KNL1: variants seen among roughly 807,000 people sequenced by gnomAD.
The protein encoded by KNL1 is kinetochore scaffold 1.
KNL1 carries 66 observed loss-of-function variants against 201.3 expected under a neutral mutation model. The observed-to-expected ratio is 0.33, with a 90% CI of 0.27 to 0.40. The LOEUF is 0.40. KNL1 is among the 10% of genes least tolerant of loss of function. KNL1 has a pLI of 1.00. For synonymous variants in KNL1, 895 were observed against 899.2 expected (o/e 1.00, Z 0.08); for missense variants, 2,815 against 2,690.5 (o/e 1.05, Z -1.02).
rs1391411718 is a variant in KNL1 at position 40,621,113 on chromosome 15, C to T, written c.849C>T (p.Phe283=). The T allele has an allele frequency of 1.2e-6, 2 of 1,613,472 alleles. No homozygotes were observed. Among genetic ancestry groups the T allele is most frequent in the Non-Finnish European group, 1.7e-6 (2 of 1,179,774 alleles). ...LFREKDDGMN[F]TQCHTANIQT... ...GAGAAAAAGATGATGGGATGAATTT[C>T]ACCCAGTGTCATACAGCCAATATTC... The change falls in exon 10 of 26, where the codon TTC becomes TTT. Residue 283 remains phenylalanine, a synonymous_variant. Transcript: ENST00000399668.
In KNL1 at chr15:40,624,194, C is replaced by T; in HGVS notation, c.3930C>T (p.Ser1310=). 6.2e-7 allele frequency: 1 copy of T among 1,613,832 alleles called. No homozygotes were observed. Among genetic ancestry groups the T allele is most frequent in the Non-Finnish European group, 8.5e-7 (1 of 1,179,906 alleles). Reference sequence around the variant, plus strand: ...ATTCCTGTTTACCAAATGTTATTTCCTGTACTGATAATTTGGAGGGTAGTG... The same window carrying T: ...ATTCCTGTTTACCAAATGTTATTTCTTGTACTGATAATTTGGAGGGTAGTG... ...DNYSCLPNVI[S]CTDNLEGSAM... is the part of the protein sequence containing the mutation. Residue 1310 remains serine (S), a synonymous_variant, in exon 10 of 26, where the codon TCC becomes TCT. Transcript: ENST00000399668.
At chr15:40,640,098 CTTTTTTT>C (rs544723388) in intron 13 of KNL1, among the ~76,000 whole-genome samples, 2 of 124,506 alleles carry the variant, frequency 1.6e-5, no homozygotes, top group African/African-American at 6.0e-5. Context: ...TTTTTCTTTT[CTTTTTTT>C]TTTTTTTTTG....
chr15:40,628,968 G>A lies in KNL1; in HGVS notation c.5583+290G>A, dbSNP rs369707319. On this transcript the variant is annotated intron_variant, in intron 12 of 25. Transcript: ENST00000399668. The stretch of plus-strand genomic sequence containing the variant: ...GAATCACTTGAGCCCAGGAGTTCAA[G>A]GCTGCAGTGAGCCATGATCACACAA... Among the ~76,000 whole-genome samples the A allele has an allele frequency of 8.5e-5, 13 of 152,238 alleles. No homozygotes were observed. In the East Asian group the frequency reaches 1.5e-3, roughly 18 times the overall value.
chr15:40,642,862 A>T (rs766645887), intron 14 of KNL1: 2 of 152,136 alleles, frequency 1.3e-5, no homozygotes, highest in Non-Finnish European at 2.9e-5. Flanking sequence ...TCCTGACCTC[A>T]AGTGATCTAC....
intron 13 of KNL1, among the ~76,000 whole-genome samples, chr15:40,637,683 A>AGT (rs1893098266): frequency 6.6e-6 from 1 of 152,196 alleles, no homozygotes; most frequent in Non-Finnish European, 1.5e-5. Context: ...TGGCCAAGGT[A>AGT]GTGATACCTT....
Position 40,645,073 on chromosome 15 carries a change from T to G in KNL1, c.5875T>G (p.Cys1959Gly). ...NKNLWEKMRHCSDKELKAFGI... is the reference protein window; with the variant it reads ...NKNLWEKMRHGSDKELKAFGI... ...GAACCTGTGGGAAAAAATGAGACAC[T>G]GCTCTGACAAAGAGGTACTTTTGTC... The change falls in exon 15 of 26, where the codon TGC (cysteine) becomes GGC (glycine). Residue 1959 changes from cysteine to glycine, a missense_variant. Around this residue, in one of 3 missense-constraint regions of KNL1, gnomAD observed 2,464 missense variants for 2,291.7 expected, o/e 1.08. Transcript: ENST00000399668. 1 of 1,608,252 alleles carries G rather than the reference T, an allele frequency of 6.2e-7. No homozygotes were observed. Among genetic ancestry groups the G allele is most frequent in the Non-Finnish European group, 8.5e-7 (1 of 1,175,576 alleles).
chr15:40,603,548 G>C (rs763318360), intron 2 of KNL1, among the ~76,000 whole-genome samples: 2 of 152,182 alleles, frequency 1.3e-5, no homozygotes, highest in Non-Finnish European at 2.9e-5. Flanking sequence ...CTTAGGCCCA[G>C]TAACTTGAGA....
At chr15:40,627,534 AC>A (rs1290057461) in intron 10 of KNL1, among the ~76,000 whole-genome samples, 1 of 149,642 alleles carries the variant, frequency 6.7e-6, no homozygotes, top group Non-Finnish European at 1.5e-5. Flanking sequence ...AAAAAAACTT[AC>A]CAAAAGCATG....
chr15:40,595,303 A>G (rs1891590642), intron 1 of KNL1, among the ~76,000 whole-genome samples: 1 of 152,270 alleles, frequency 6.6e-6, no homozygotes, highest in Admixed American at 6.5e-5. Context: ...CAGAATGTAA[A>G]AGATTATAGG....
chr15:40,608,782 G>T, intron 4 of KNL1, 65 bp from the exon 5 acceptor site: 19 of 1,034,378 alleles, frequency 1.8e-5, no homozygotes, highest in Non-Finnish European at 2.5e-5. Flanking sequence ...TCTGTCTATA[G>T]TACTCTGGAG....
chr15:40,629,255 T>A lies in KNL1; in HGVS notation c.5584-18T>A, dbSNP rs1437646988. On this transcript the variant is annotated intron_variant, in intron 12 of 25. Coordinates refer to ENST00000399668, the MANE Select transcript of KNL1 (RefSeq NM_144508.5). ...AATCACATTGAATGGTCATGCAAAC[T>A]TTTTTTTCTTTTCTCAGAAACTCCA... The A allele has an allele frequency of 1.3e-6, 2 of 1,486,230 alleles. No homozygotes were observed. Among genetic ancestry groups the A allele is most frequent in the East Asian group, 4.7e-5 (2 of 42,430 alleles). 92.1% of individuals were successfully genotyped at this position (1,486,230 alleles called of 1,614,324 possible).
chr15:40,653,759 C>T (rs1893640678), intron 21 of KNL1, among the ~76,000 whole-genome samples: 1 of 152,166 alleles, frequency 6.6e-6, no homozygotes, highest in African/African-American at 2.4e-5. Context: ...TACCTCTGCA[C>T]GTTGGCCACA....
chr15:40,617,966 G>T (rs1595921902), intron 8 of KNL1, among the ~76,000 whole-genome samples: 1 of 44,108 alleles, frequency 2.3e-5, no homozygotes, highest in Non-Finnish European at 3.9e-5. Flanking sequence ...ATATAAATAA[G>T]GCTTTTAGTA....
chr15:40,624,318 G>A lies in KNL1; in HGVS notation c.4054G>A (p.Glu1352Lys). The A allele has an allele frequency of 6.2e-7, 1 of 1,614,024 alleles. No individual in the cohort carries two copies. The highest frequency in any genetic ancestry group is 8.5e-7 in the Non-Finnish European group (1 of 1,179,940). Residue 1352 changes from glutamate (E) to lysine (K), a missense_variant, in exon 10 of 26, where the codon GAA becomes AAA. This residue lies in a region of KNL1 where 2,464 missense variants were observed against 2,291.7 expected (regional missense o/e 1.08). Transcript: ENST00000399668. ...ANDFASEYYL[E>K]SEGQPLSAPC... Reference sequence around the variant, plus strand: ...TGATTTTGCCAGTGAATATTACTTGGAATCTGAGGGACAGCCTCTCTCTGC... The same window carrying A: ...TGATTTTGCCAGTGAATATTACTTGAAATCTGAGGGACAGCCTCTCTCTGC...
intron 8 of KNL1, chr15:40,615,644 G>A (rs1212875928): frequency 5.9e-6 from 1 of 168,128 alleles, no homozygotes; most frequent in Non-Finnish European, 1.3e-5. Context: ...GTGCGCTCCT[G>A]TAGTCCCAGC....
In KNL1 at chr15:40,622,701, A is replaced by G; in HGVS notation, c.2437A>G (p.Ile813Val). The change falls in exon 10 of 26, where the codon ATA becomes GTA. Residue 813 changes from isoleucine to valine, a missense_variant. Ile to Val is a conservative substitution (Grantham distance 29, BLOSUM62 3). Transcript: ENST00000399668. ...VKVEKCGKSPIEKSGVLKSNC... is the reference protein window; with the variant it reads ...VKVEKCGKSPVEKSGVLKSNC... Reference sequence around the variant, plus strand: ...AGTTGAAAAATGTGGTAAAAGTCCCATAGAAAAAAGTGGAGTGCTTAAATC... The same window carrying G: ...AGTTGAAAAATGTGGTAAAAGTCCCGTAGAAAAAAGTGGAGTGCTTAAATC... 7 of 1,591,292 alleles carry G rather than the reference A, an allele frequency of 4.4e-6. No individual in the cohort carries two copies. The highest frequency in any genetic ancestry group is 6.0e-6 in the Non-Finnish European group (7 of 1,171,626).
chr15:40,663,749 CTA>C lies in KNL1; in HGVS notation c.*1562_*1563del. 1 of 192,380 alleles carries C rather than the reference CTA, an allele frequency of 5.2e-6. No individual in the cohort carries two copies. Among genetic ancestry groups the C allele is most frequent in the Middle Eastern group, 1.9e-3 (1 of 528 alleles). The allele number at this position is 192,380 out of a possible 1,614,324, so 11.9% of individuals were successfully genotyped here. On this transcript the variant is annotated 3_prime_UTR_variant, in exon 26 of 26. Coordinates refer to ENST00000399668, the MANE Select transcript of KNL1 (RefSeq NM_144508.5). ...AATTTACTCAAACTTCATTCAAATCCTAATTGTGATAATTTTTGTTTTATATT... is the reference window on the plus strand; with the variant it reads ...AATTTACTCAAACTTCATTCAAATCCATTGTGATAATTTTTGTTTTATATT...
chr15:40,644,081 G>A (rs1336744865), intron 14 of KNL1, among the ~76,000 whole-genome samples: 2 of 152,204 alleles, frequency 1.3e-5, no homozygotes, highest in Admixed American at 6.5e-5. Context: ...CCGGCTCTCA[G>A]CATACCAAGG....
In KNL1 at chr15:40,662,672, AAGT is replaced by A. The variant is rs1260042380; in HGVS notation, c.*487_*489del. ...CCGTTACTAAAATGCTATTAAGAGA[AAGT>A]AGGGCTGGGTGCGGTGGCTCACACC... On this transcript the variant is annotated 3_prime_UTR_variant, in exon 26 of 26. Coordinates refer to ENST00000399668, the MANE Select transcript of KNL1 (RefSeq NM_144508.5). The A allele has an allele frequency of 1.1e-5, 2 of 187,226 alleles. No homozygotes were observed. Among genetic ancestry groups the A allele is most frequent in the Non-Finnish European group, 2.3e-5 (2 of 88,802 alleles). The allele number at this position is 187,226 out of a possible 1,614,324, so 11.6% of individuals were successfully genotyped here. A position where few individuals can be genotyped will look rare whatever the true frequency, so the allele number is the denominator to read the frequency against.
Sources: allele counts gnomAD v4.1 joint callset (sites outside exome capture counted in the v4.1 genomes callset), GRCh38; gene constraint gnomAD v4.1.1; regional missense constraint gnomAD v4.1.1; transcripts MANE v1.5; gene names NCBI Gene and HGNC (gene_info 2026-07-23, HGNC 2026-07-21).